The following FBXO4 variants were observed in gnomAD, a reference collection of about 807,000 sequenced individuals.
The protein encoded by FBXO4 is F-box protein 4.
Under a neutral mutation model 43.7 loss-of-function variants are expected in FBXO4, and 36 were observed. The ratio of observed to expected loss-of-function variants is 0.82; its 90% CI spans 0.63 to 1.09. The LOEUF is 1.09. FBXO4 is among the 50% of genes least tolerant of loss of function. The pLI is 0.00. For synonymous variants in FBXO4, 180 were observed against 165.6 expected (o/e 1.09, Z -0.67); for missense variants, 435 against 474.1 (o/e 0.92, Z 0.77).
chr5:41,969,564 C>T, the FBXO4 span, among the ~76,000 whole-genome samples: 1 of 152,182 alleles, frequency 6.6e-6, no homozygotes, highest in South Asian at 2.1e-4. Flanking sequence ...TATACTCTCC[C>T]ATTATATGAA....
the FBXO4 span, among the ~76,000 whole-genome samples, chr5:41,965,005 T>C: frequency 1.3e-5 from 2 of 152,250 alleles, no homozygotes; most frequent in African/African-American, 4.8e-5. Flanking sequence ...TCTAGGGTTT[T>C]TATGGTTTTA....
the FBXO4 span, among the ~76,000 whole-genome samples, chr5:42,006,887 GATATATATATATATATAT>G: frequency 3.8e-5 from 3 of 79,120 alleles, no homozygotes; most frequent in South Asian, 3.9e-4. Flanking sequence ...GGTTCATGCT[GATATATATATATATATAT>G]ATATATATAT....
At chr5:41,949,658 C>CAT in the FBXO4 span, among the ~76,000 whole-genome samples, 6 of 152,152 alleles carry the variant, frequency 3.9e-5, no homozygotes, top group African/African-American at 1.4e-4. Flanking sequence ...TTTACAGATT[C>CAT]AATGCTATCC....
At chr5:42,009,164 G>T in the FBXO4 span, among the ~76,000 whole-genome samples, 1 of 152,280 alleles carries the variant, frequency 6.6e-6, no homozygotes, top group Non-Finnish European at 1.5e-5. Context: ...GAAGACTGCA[G>T]TATTTCTAAG....
At chr5:41,998,365 C>T in the FBXO4 span, among the ~76,000 whole-genome samples, 3 of 152,182 alleles carry the variant, frequency 2.0e-5, no homozygotes, top group African/African-American at 4.8e-5. Context: ...AAGGGTGTAT[C>T]TCCTGAACCC....
At chr5:41,964,328 A>G in the FBXO4 span, among the ~76,000 whole-genome samples, 1 of 152,014 alleles carries the variant, frequency 6.6e-6, no homozygotes, top group Non-Finnish European at 1.5e-5. Flanking sequence ...ACTTTACTTG[A>G]AAGTATATCA....
the FBXO4 span, among the ~76,000 whole-genome samples, chr5:42,012,808 A>G: frequency 1.3e-5 from 2 of 152,222 alleles, no homozygotes; most frequent in Non-Finnish European, 2.9e-5. Flanking sequence ...TTTTTTCCCA[A>G]GAAAAACAGG....
Position 41,926,911 on chromosome 5 carries a change from G to A in FBXO4, c.190-102G>A, listed in dbSNP as rs548217650. 9 of 623,666 alleles carry A rather than the reference G, an allele frequency of 1.4e-5. 1 individual carries two copies. In the South Asian group the frequency reaches 1.6e-4, roughly 11 times the overall value. The allele number at this position is 623,666 out of a possible 1,614,324, so 38.6% of individuals were successfully genotyped here. A position where few individuals can be genotyped will look rare whatever the true frequency, so the allele number is the denominator to read the frequency against. On this transcript the variant is annotated intron_variant, in intron 1 of 6. Coordinates refer to ENST00000281623, the MANE Select transcript of FBXO4 (RefSeq NM_012176.3). ...GTAGATTTAGTTATTAAAAATACTA[G>A]TCAGTTGACCTTTTGTTATTTATTT...
intron 5 of FBXO4, among the ~76,000 whole-genome samples, chr5:41,936,473 A>T (rs912299812): frequency 3.3e-5 from 5 of 152,086 alleles, no homozygotes; most frequent in African/African-American, 1.2e-4. Context: ...GGCAGAGGTT[A>T]CGTGAGCTGA....
At chr5:42,031,040 G>A in the FBXO4 span, among the ~76,000 whole-genome samples, 1 of 152,206 alleles carries the variant, frequency 6.6e-6, no homozygotes, top group South Asian at 2.1e-4. Context: ...CATTGTGGAA[G>A]TCAGTGTGGC....
At chr5:42,013,441 T>A in the FBXO4 span, among the ~76,000 whole-genome samples, 135 of 152,322 alleles carry the variant, frequency 8.9e-4, no homozygotes, top group African/African-American at 3.2e-3. Context: ...ATGGTCTTAT[T>A]GGCTAATATT....
the FBXO4 span, among the ~76,000 whole-genome samples, chr5:41,979,433 T>C: frequency 6.6e-6 from 1 of 152,220 alleles, no homozygotes; most frequent in South Asian, 2.1e-4. Flanking sequence ...GATTATGTTA[T>C]TAAAATTCTC....
At chr5:41,958,090 AT>A in the FBXO4 span, among the ~76,000 whole-genome samples, 2 of 147,966 alleles carry the variant, frequency 1.4e-5, no homozygotes, top group South Asian at 4.3e-4. Context: ...TCACATACTT[AT>A]TTTTTATGTT....
downstream of FBXO4, among the ~76,000 whole-genome samples, chr5:41,942,645 A>G (rs1752022659): frequency 6.6e-6 from 1 of 152,024 alleles, no homozygotes; most frequent in African/African-American, 2.4e-5. Flanking sequence ...CCAGAGTCCC[A>G]ATCAAATCTT....
At chr5:41,942,414 A>G (rs1752019559), downstream of FBXO4, among the ~76,000 whole-genome samples, 1 of 152,084 alleles carries the variant, frequency 6.6e-6, no homozygotes, top group African/African-American at 2.4e-5. Flanking sequence ...ATGCTTTTAT[A>G]TCAGCTATCT....
chr5:42,037,261 T>C, the FBXO4 span, among the ~76,000 whole-genome samples: 1 of 152,032 alleles, frequency 6.6e-6, no homozygotes, highest in African/African-American at 2.4e-5. Context: ...ATTTGAGTAT[T>C]CACTTGCAGG....
the FBXO4 span, among the ~76,000 whole-genome samples, chr5:41,966,470 A>G: frequency 3.9e-5 from 6 of 152,294 alleles, no homozygotes; most frequent in East Asian, 1.9e-4. Context: ...CTAGAAAACT[A>G]AAGTGGGGAG....
At chr5:42,036,081 A>G in the FBXO4 span, among the ~76,000 whole-genome samples, 9 of 152,298 alleles carry the variant, frequency 5.9e-5, no homozygotes, top group Non-Finnish European at 4.4e-5. Flanking sequence ...TGCTTAAAAC[A>G]GTCTCATATA....
At chr5:41,932,560 G>T (rs967949416) in intron 3 of FBXO4, among the ~76,000 whole-genome samples, 2 of 152,186 alleles carry the variant, frequency 1.3e-5, no homozygotes, top group African/African-American at 2.4e-5. Flanking sequence ...TCTCTAATGA[G>T]GTTAGTAGGG....
Sources: allele counts gnomAD v4.1 joint callset (sites outside exome capture counted in the v4.1 genomes callset), GRCh38; gene constraint gnomAD v4.1.1; transcripts MANE v1.5; gene names NCBI Gene and HGNC (gene_info 2026-07-23, HGNC 2026-07-21).